The following DHX29 variants were observed in gnomAD, a reference collection of about 807,000 sequenced individuals.
DHX29 encodes ATP-dependent RNA helicase DHX29.
In DHX29, 79 loss-of-function variants were observed where a neutral mutation model predicts 167.9. The ratio of observed to expected loss-of-function variants is 0.47; its 90% CI spans 0.39 to 0.57. DHX29 has a LOEUF of 0.57. Among genes scored for constraint, DHX29 ranks in the 20% least tolerant of loss-of-function variants. DHX29 has a pLI of 0.00. For synonymous variants in DHX29, 530 were observed against 546.0 expected, an observed-to-expected ratio of 0.97 and a Z score of 0.41; for missense variants, 1,347 against 1,593.4, an observed-to-expected ratio of 0.85 and a Z score of 2.63.
chr5:55,285,367 T>C lies in DHX29; in HGVS notation c.1282A>G (p.Ile428Val), dbSNP rs1437563583. 2.5e-6 allele frequency: 4 copies of C among 1,613,828 alleles called. No homozygotes were observed. Among genetic ancestry groups the C allele is most frequent in the South Asian group, 1.1e-5 (1 of 91,060 alleles). Residue 428 changes from isoleucine to valine, a missense_variant, in exon 10 of 27, where the codon ATC becomes GTC. Transcript: ENST00000251636. ...EDDVLVVCPT[I>V]LTEDGMQAQH... ...GCTTGCATGCCATCTTCTGTTAAGATTGTAGGGCATACTACCAGGACATCA... is the reference window on the plus strand; with the variant it reads ...GCTTGCATGCCATCTTCTGTTAAGACTGTAGGGCATACTACCAGGACATCA...
At chr5:55,298,767 A>C in intron 1 of DHX29, 103 bp from the exon 2 acceptor site, 1 of 532,662 alleles carries the variant, frequency 1.9e-6, no homozygotes, top group Non-Finnish European at 3.5e-6. Context: ...GCGGTGGCTC[A>C]CGCCTGTAAT....
At chr5:55,271,568 G>C (rs1435932736) in intron 18 of DHX29, among the ~76,000 whole-genome samples, 1 of 152,234 alleles carries the variant, frequency 6.6e-6, no homozygotes, top group Non-Finnish European at 1.5e-5. Context: ...GGGAGGTGGA[G>C]GCTGCAGTGA....
Position 55,294,625 on chromosome 5 carries a change from AGT to A in DHX29, c.652-482_652-481del, listed in dbSNP as rs1198396797. Among the ~76,000 whole-genome samples the A allele has an allele frequency of 1.3e-3, 204 of 152,324 alleles. 2 individuals are homozygous for A. The Middle Eastern group carries it at 0.024, about 18-fold the overall frequency. The stretch of plus-strand genomic sequence containing the variant: ...AGGAGGCGGAGCTTGCAGTGAGCCG[AGT>A]GAGTGCAGTGCCATTCACTCCAGCC... On this transcript the variant is annotated intron_variant, in intron 5 of 26. Coordinates refer to ENST00000251636, the MANE Select transcript of DHX29 (RefSeq NM_019030.4).
Position 55,296,278 on chromosome 5 carries a change from G to C in DHX29, c.447C>G (p.Leu149=). The C allele has an allele frequency of 6.2e-7, 1 of 1,613,596 alleles. No individual in the cohort carries two copies. Among genetic ancestry groups the C allele is most frequent in the Non-Finnish European group, 8.5e-7 (1 of 1,179,714 alleles). ...CAGAATGAAGGTCACCTCCATATAA[G>C]AGTGTATTGGTCATGGCATCTTCAA... ...KDIEDAMTNT[L]LYGGDLHSAL... Residue 149 remains leucine (L), a synonymous_variant, in exon 4 of 27, where the codon CTC becomes CTG. Coordinates refer to ENST00000251636, the MANE Select transcript of DHX29 (RefSeq NM_019030.4).
At chr5:55,285,267 A>G (rs1220206876) in intron 10 of DHX29, 26 bp downstream of exon 10, 2 of 1,611,806 alleles carry the variant, frequency 1.2e-6, no homozygotes, top group Non-Finnish European at 1.7e-6. Context: ...CCACATACAG[A>G]TATAGTTAGG....
At chr5:55,285,224 A>G in intron 10 of DHX29, 69 bp downstream of exon 10, 1 of 1,569,570 alleles carries the variant, frequency 6.4e-7, no homozygotes, top group South Asian at 1.2e-5. Flanking sequence ...CAGTCAATAA[A>G]GAGAAAATTG....
chr5:55,292,151 G>C (rs1748080161), intron 6 of DHX29, among the ~76,000 whole-genome samples: 2 of 152,178 alleles, frequency 1.3e-5, no homozygotes, highest in South Asian at 4.2e-4. Context: ...CAGTACACAG[G>C]GTTCCAATTT....
intron 12 of DHX29, chr5:55,279,793 A>C (rs1747310000): frequency 6.7e-6 from 1 of 149,366 alleles, no homozygotes; most frequent in African/African-American, 2.5e-5. Flanking sequence ...CTGGTCTCAA[A>C]CTCCTGGGCT....
intron 23 of DHX29, among the ~76,000 whole-genome samples, chr5:55,265,638 G>T (rs776415219): frequency 2.7e-5 from 4 of 149,326 alleles, no homozygotes; most frequent in Admixed American, 6.8e-5. Context: ...TTAAAGTGTG[G>T]GCCTTGTTTG....
At position 55,267,125 on chromosome 5, in the gene DHX29, T is replaced by G. The variant is rs773678328; in HGVS notation, c.3525+13A>C. On this transcript the variant is annotated intron_variant, in intron 23 of 26. Coordinates refer to ENST00000251636, the MANE Select transcript of DHX29 (RefSeq NM_019030.4). ...CCCATGACTCTGAGTGAGAGATCCATATTAAGAATTACCTCTAGGGTTAAC... is the reference window on the plus strand; with the variant it reads ...CCCATGACTCTGAGTGAGAGATCCAGATTAAGAATTACCTCTAGGGTTAAC... 1 of 1,542,128 alleles carries G rather than the reference T, an allele frequency of 6.5e-7. No homozygotes were observed. Among genetic ancestry groups the G allele is most frequent in the Non-Finnish European group, 8.9e-7 (1 of 1,122,182 alleles).
In DHX29 at chr5:55,307,516, C is replaced by G; in HGVS notation, c.58G>C (p.Val20Leu). Residue 20 changes from valine (V) to leucine (L), a missense_variant, in exon 1 of 27, where the codon GTG (valine) becomes CTG (leucine). Coordinates refer to ENST00000251636, the MANE Select transcript of DHX29 (RefSeq NM_019030.4). ...APAAAVVRAAVSASRAKSAEA... is the reference protein window; with the variant it reads ...APAAAVVRAALSASRAKSAEA... The stretch of plus-strand genomic sequence containing the variant: ...GCAGATTTGGCTCTGGAAGCAGACA[C>G]GGCGGCCCGGACCACCGCGGCCGCT... 1 of 1,613,608 alleles carries G rather than the reference C, an allele frequency of 6.2e-7. No individual in the cohort carries two copies. Among genetic ancestry groups the G allele is most frequent in the Non-Finnish European group, 8.5e-7 (1 of 1,179,950 alleles).
intron 1 of DHX29, among the ~76,000 whole-genome samples, chr5:55,303,622 T>C (rs1453392263): frequency 3.3e-5 from 5 of 152,190 alleles, no homozygotes; most frequent in Admixed American, 3.3e-4. Flanking sequence ...CTTCCCAGAC[T>C]TCCAGCCACA....
intron 21 of DHX29, 110 bp downstream of exon 21, chr5:55,269,303 A>T: frequency 1.0e-6 from 1 of 966,852 alleles, no homozygotes; most frequent in Non-Finnish European, 1.5e-6. Flanking sequence ...ATGTTCGTAT[A>T]GACATTCTAT....
chr5:55,294,364 T>C (rs1045928323), intron 5 of DHX29, among the ~76,000 whole-genome samples: 2 of 152,114 alleles, frequency 1.3e-5, no homozygotes, highest in Non-Finnish European at 2.9e-5. Flanking sequence ...TAAAAAAGAA[T>C]GAAAGGAGAA....
At chr5:55,267,587 A>G (rs1746641229) in intron 22 of DHX29, 99 bp downstream of exon 22, 2 of 1,076,404 alleles carry the variant, frequency 1.9e-6, no homozygotes, top group Non-Finnish European at 2.5e-6. Flanking sequence ...ATAAATTTAA[A>G]CCTCAGAAGT....
In DHX29 at chr5:55,283,379, T is replaced by G. The variant is rs761301533; in HGVS notation, c.1789A>C (p.Thr597Pro). 1 of 1,614,206 alleles carries G rather than the reference T, an allele frequency of 6.2e-7. No individual in the cohort carries two copies. The highest frequency in any genetic ancestry group is 1.1e-5 in the South Asian group (1 of 91,078). Residue 597 changes from threonine to proline, a missense_variant, in exon 11 of 27, where the codon ACA becomes CCA. Thr to Pro is a conservative substitution (Grantham distance 38). Around this residue, in one of 3 missense-constraint regions of DHX29, gnomAD observed 882 missense variants for 1,082.4 expected, o/e 0.81. Transcript: ENST00000251636. ...ACCTGAGTACTTTTACCACTCCCTG[T>G]TTCACCTGCCACAACCACTACCCGA... ...RHRVVVVAGE[T>P]GSGKSTQVPH...
At chr5:55,293,279 T>C (rs191636655) in intron 6 of DHX29, among the ~76,000 whole-genome samples, 1 of 152,348 alleles carries the variant, frequency 6.6e-6, no homozygotes, top group Admixed American at 6.5e-5. Flanking sequence ...TTTTAATTTT[T>C]CTTAATACCT....
At chr5:55,297,870 T>G (rs562592572) in intron 2 of DHX29, among the ~76,000 whole-genome samples, 1 of 152,364 alleles carries the variant, frequency 6.6e-6, no homozygotes, top group South Asian at 2.1e-4. Context: ...TAGACTTTGA[T>G]TCCTACTTTT....
At position 55,274,932 on chromosome 5, in the gene DHX29, C is replaced by T. The variant is rs1481756187; in HGVS notation, c.2506G>A (p.Ala836Thr). Residue 836 changes from alanine to threonine, a missense_variant, in exon 15 of 27, where the codon GCT (alanine) becomes ACT (threonine). Physicochemically the swap from Ala to Thr is moderately conservative, Grantham distance 58. Transcript: ENST00000251636. ...TTATGAGGATTCATGTATAGAATAG[C>T]ATGCTGAGTGCGGCTGCTGTACTTT... Reference protein sequence around the residue: ...YQKYSSRTQHAILYMNPHKIN... With the variant: ...YQKYSSRTQHTILYMNPHKIN... 2 of 1,613,884 alleles carry T rather than the reference C, an allele frequency of 1.2e-6. No individual in the cohort carries two copies. Among genetic ancestry groups the T allele is most frequent in the Admixed American group, 3.3e-5 (2 of 60,000 alleles).
Sources: allele counts gnomAD v4.1 joint callset (sites outside exome capture counted in the v4.1 genomes callset), GRCh38; gene constraint gnomAD v4.1.1; regional missense constraint gnomAD v4.1.1; transcripts MANE v1.5; gene names NCBI Gene and HGNC (gene_info 2026-07-23, HGNC 2026-07-21).